VSTM1: variants seen among roughly 807,000 people sequenced by gnomAD.
VSTM1 encodes the protein V-set and transmembrane domain containing 1, also known as V-set and transmembrane domain-containing protein 1.
In VSTM1, 27 loss-of-function variants were observed where a neutral mutation model predicts 33.1. The ratio of observed to expected loss-of-function variants is 0.82; its 90% confidence interval spans 0.60 to 1.12. The LOEUF (loss-of-function observed/expected upper bound fraction) is 1.12, where lower values mean the gene tolerates loss of function less well. Among genes scored for constraint, VSTM1 ranks in the 50% most tolerant of loss-of-function variants. The pLI, the probability that VSTM1 is intolerant of heterozygous loss-of-function variation, is 0.00. For synonymous variants in VSTM1, 115 were observed against 110.3 expected, an observed-to-expected ratio of 1.04 and a Z score of -0.27; for missense variants, 304 against 288.9, an observed-to-expected ratio of 1.05 and a Z score of -0.38.
At chr19:54,060,459 C>T (rs546267703) in intron 1 of VSTM1, among the ~76,000 whole-genome samples, 10 of 152,068 alleles carry the variant, frequency 6.6e-5, no homozygotes, top group Non-Finnish European at 1.5e-4. Context: ...CGATACAGAA[C>T]GTGACCCCCC....
intron 1 of VSTM1, among the ~76,000 whole-genome samples, chr19:54,060,107 C>T (rs982048708): frequency 4.6e-5 from 7 of 152,042 alleles, no homozygotes; most frequent in Admixed American, 3.9e-4. Context: ...CCGCCTCGGA[C>T]TCCCAAAGTG....
chr19:54,042,806 G>GTATATATACATA (rs2070361297), intron 4 of VSTM1, among the ~76,000 whole-genome samples: 3 of 57,952 alleles, frequency 5.2e-5, no homozygotes, highest in African/African-American at 6.8e-5. Context: ...ATATAAATGT[G>GTATATATACATA]TATATATATA....
In VSTM1 at chr19:54,053,187, C is replaced by A. The variant is rs1175344458; in HGVS notation, c.356-1739G>T. Among the ~76,000 whole-genome samples the A allele has an allele frequency of 1.4e-5, 2 of 141,062 alleles. 1 individual carries two copies. The highest frequency in any genetic ancestry group is 3.1e-5 in the Non-Finnish European group (2 of 64,254). The allele number at this position is 141,062 out of a possible 152,430, so 92.5% of individuals were successfully genotyped here. A position where few individuals can be genotyped will look rare whatever the true frequency, so the allele number is the denominator to read the frequency against. On this transcript the variant is annotated intron_variant, in intron 3 of 8. Transcript: ENST00000338372. ...GTCTCAATCATTCCAGGAACACTCA[C>A]ACTTCTGAGACTTTGCTTTTGCTGC...
chr19:54,054,078 A>G (rs1290217595), intron 3 of VSTM1, among the ~76,000 whole-genome samples: 1 of 142,068 alleles, frequency 7.0e-6, no homozygotes, highest in African/African-American at 2.6e-5. Flanking sequence ...AAGTAGTATA[A>G]TAAAAAAGTA....
intron 4 of VSTM1, among the ~76,000 whole-genome samples, chr19:54,044,138 G>A (rs1265489250): frequency 1.3e-5 from 2 of 152,160 alleles, no homozygotes; most frequent in Non-Finnish European, 2.9e-5. Context: ...GGCATGGAAG[G>A]CGTTTAGAGT....
chr19:54,051,853 C>T (rs1416148243), intron 3 of VSTM1, among the ~76,000 whole-genome samples: 3 of 151,972 alleles, frequency 2.0e-5, no homozygotes, highest in Non-Finnish European at 2.9e-5. Flanking sequence ...CTCCGCCTCC[C>T]GGGTTCAAGA....
At chr19:54,049,240 G>A (rs2070734199) in intron 4 of VSTM1, among the ~76,000 whole-genome samples, 1 of 152,174 alleles carries the variant, frequency 6.6e-6, no homozygotes. Context: ...AAAGGAGCTA[G>A]TCACAAAGGA....
rs571117842 is a variant in VSTM1, at chr19:54,049,779, A to T, written c.394+1631T>A. ...TTATCTTGCAAGAACACTTTGGAGG[A>T]TACCTTTTTGAAAACCGATTATACC... On this transcript the variant is annotated intron_variant, in intron 4 of 8. Transcript: ENST00000338372. Among the ~76,000 whole-genome samples the T allele has an allele frequency of 1.7e-4, 26 of 152,228 alleles. 1 individual carries two copies. The South Asian group carries it at 5.4e-3, about 31-fold the overall frequency.
chr19:54,050,283 G>A (rs2070777314), intron 4 of VSTM1, among the ~76,000 whole-genome samples: 1 of 152,006 alleles, frequency 6.6e-6, no homozygotes, highest in African/African-American at 2.4e-5. Context: ...ACAGATGTGA[G>A]CCACCTCGCC....
chr19:54,041,201 T>C, intron 8 of VSTM1, 121 bp from the exon 9 acceptor site: 1 of 1,015,674 alleles, frequency 9.8e-7, no homozygotes, highest in Non-Finnish European at 1.4e-6. Flanking sequence ...AGGTCCTCGG[T>C]CACACCAGAT....
chr19:54,042,266 T>G lies in VSTM1; in HGVS notation c.487+11A>C. The G allele has an allele frequency of 6.2e-7, 1 of 1,613,946 alleles. No homozygotes were observed. The highest frequency in any genetic ancestry group is 8.5e-7 in the Non-Finnish European group (1 of 1,179,962). ...ACTCCCCCTCTCTCCCTTTGCGTTC[T>G]CTGAGCTCACTGTGCTGGCTGCATC... On this transcript the variant is annotated intron_variant, in intron 5 of 8. Transcript: ENST00000338372.
chr19:54,042,395 A>G, intron 4 of VSTM1, 26 bp from the exon 5 acceptor site: 2 of 1,608,712 alleles, frequency 1.2e-6, no homozygotes, highest in East Asian at 4.5e-5. Flanking sequence ...CAGGTCAGGG[A>G]ATCAGCCTGG....
At position 54,052,628 on chromosome 19, in the gene VSTM1, T is replaced by C. The variant is rs1399862240; in HGVS notation, c.356-1180A>G. Among the ~76,000 whole-genome samples the C allele has an allele frequency of 4.9e-5, 7 of 141,618 alleles. 1 individual carries two copies. Among genetic ancestry groups the C allele is most frequent in the African/African-American group, 1.6e-4 (6 of 38,338 alleles). The allele number at this position is 141,618 out of a possible 152,430, so 92.9% of individuals were successfully genotyped here. A position where few individuals can be genotyped will look rare whatever the true frequency, so the allele number is the denominator to read the frequency against. On this transcript the variant is annotated intron_variant, in intron 3 of 8. Transcript: ENST00000338372. ...TTCTAAGATGAAGAAGTTCAGGTGC[T>C]CAGCATGGTGGCAATGGATGTGCTA...
chr19:54,041,413 T>G (rs1317957497), intron 8 of VSTM1, among the ~76,000 whole-genome samples: 1 of 152,094 alleles, frequency 6.6e-6, no homozygotes, highest in African/African-American at 2.4e-5. Flanking sequence ...GCCATTCTCC[T>G]GGCTCAGCCT....
intron 3 of VSTM1, among the ~76,000 whole-genome samples, chr19:54,054,954 T>C (rs2071021541): frequency 7.4e-6 from 1 of 134,378 alleles, no homozygotes; most frequent in African/African-American, 2.8e-5. Flanking sequence ...GATGGGTTGG[T>C]AGGTGGGTAG....
At chr19:54,045,423 C>A (rs1262992611) in intron 4 of VSTM1, among the ~76,000 whole-genome samples, 2 of 152,092 alleles carry the variant, frequency 1.3e-5, no homozygotes, top group East Asian at 3.9e-4. Flanking sequence ...ATTTTTCTAT[C>A]TTGTTAATCT....
rs190204709 is a variant in VSTM1, at chr19:54,061,926, C to T, written c.34+1818G>A. ...ATCTCAACAGTTTGGGAGGCTGAGG[C>T]GGGCAGATCACCTGAGGTCAGGAGT... On this transcript the variant is annotated intron_variant, in intron 1 of 8. Coordinates refer to ENST00000338372, the MANE Select transcript of VSTM1 (RefSeq NM_198481.4). 6.6e-5 allele frequency among the ~76,000 whole-genome samples: 10 copies of T among 152,196 alleles called. 1 individual carries two copies. Among genetic ancestry groups the T allele is most frequent in the South Asian group, 4.1e-4 (2 of 4,820 alleles).
At chr19:54,062,038 C>G (rs1302086467) in intron 1 of VSTM1, among the ~76,000 whole-genome samples, 1 of 151,722 alleles carries the variant, frequency 6.6e-6, no homozygotes, top group Admixed American at 6.6e-5. Context: ...TGCTTGTAAT[C>G]CCAGCTACTT....
At chr19:54,048,470 A>C (rs2070700193) in intron 4 of VSTM1, 1 of 222,770 alleles carries the variant, frequency 4.5e-6, no homozygotes, top group Admixed American at 5.3e-5. Flanking sequence ...CTCAAAAAGT[A>C]CATTTTAAGA....
Sources: allele counts gnomAD v4.1 joint callset (sites outside exome capture counted in the v4.1 genomes callset), GRCh38; gene constraint gnomAD v4.1.1; transcripts MANE v1.5; gene names NCBI Gene and HGNC (gene_info 2026-07-23, HGNC 2026-07-21).